RIMS2: variants seen among roughly 807,000 people sequenced by gnomAD.
RIMS2 encodes regulating synaptic membrane exocytosis protein 2.
In RIMS2, 59 loss-of-function variants were observed where a neutral mutation model predicts 174.4. The observed-to-expected ratio is 0.34, with a 90% CI of 0.27 to 0.42. The LOEUF is 0.42. Among genes scored for constraint, RIMS2 ranks in the 10% least tolerant of loss-of-function variants. RIMS2 has a pLI of 1.00. For synonymous variants in RIMS2, 606 were observed against 572.5 expected, an observed-to-expected ratio of 1.06 and a Z score of -0.84; for missense variants, 1,620 against 1,666.3, an observed-to-expected ratio of 0.97 and a Z score of 0.48.
chr8:104,143,616 C>G (rs1349098505), intron 19 of RIMS2, among the ~76,000 whole-genome samples: 1 of 152,190 alleles, frequency 6.6e-6, no homozygotes, highest in Admixed American at 6.5e-5. Context: ...GGGTTTGTTT[C>G]TAATCTACCA....
intron 2 of RIMS2, among the ~76,000 whole-genome samples, chr8:103,715,694 T>C (rs989364616): frequency 6.6e-6 from 1 of 152,110 alleles, no homozygotes; most frequent in Non-Finnish European, 1.5e-5. Flanking sequence ...TCCACACTTA[T>C]CATATTGGGA....
At chr8:104,082,652 G>C (rs2097445550) in intron 19 of RIMS2, among the ~76,000 whole-genome samples, 2 of 151,950 alleles carry the variant, frequency 1.3e-5, no homozygotes, top group African/African-American at 4.8e-5. Context: ...GAATCTCTCA[G>C]TTAAAAATAT....
At chr8:103,693,981 G>A (rs1234753017) in intron 1 of RIMS2, among the ~76,000 whole-genome samples, 1 of 152,172 alleles carries the variant, frequency 6.6e-6, no homozygotes, top group Admixed American at 6.5e-5. Context: ...CTGACCTGGT[G>A]CTTGGTTGGT....
chr8:104,050,111 TTATATGGTA>T (rs1365921699), intron 19 of RIMS2, among the ~76,000 whole-genome samples: 1 of 152,180 alleles, frequency 6.6e-6, no homozygotes, highest in African/African-American at 2.4e-5. Context: ...TTCCTGGTTA[TTATATGGTA>T]TATTAAACTG....
At chr8:104,189,335 T>TA (rs1273922050) in intron 19 of RIMS2, among the ~76,000 whole-genome samples, 5 of 151,888 alleles carry the variant, frequency 3.3e-5, no homozygotes, top group African/African-American at 1.2e-4. Context: ...AGGTCTCTGA[T>TA]AGAGAATAAA....
At chr8:104,053,802 A>G (rs1302473902) in intron 19 of RIMS2, among the ~76,000 whole-genome samples, 2 of 152,148 alleles carry the variant, frequency 1.3e-5, no homozygotes, top group Non-Finnish European at 2.9e-5. Flanking sequence ...ACCTTAGGAA[A>G]TGGTGGCCTT....
intron 3 of RIMS2, among the ~76,000 whole-genome samples, chr8:103,812,485 G>A (rs1301180093): frequency 6.6e-6 from 1 of 151,972 alleles, no homozygotes; most frequent in Non-Finnish European, 1.5e-5. Flanking sequence ...GGGTTCAAGC[G>A]ATTCTCCTGC....
intron 19 of RIMS2, among the ~76,000 whole-genome samples, chr8:104,210,117 G>T (rs980200218): frequency 6.6e-6 from 1 of 152,102 alleles, no homozygotes; most frequent in African/African-American, 2.4e-5. Context: ...CAAATTTTTT[G>T]TATACGTAGA....
chr8:103,902,169 C>A (rs1332454107), intron 4 of RIMS2, among the ~76,000 whole-genome samples: 2 of 152,152 alleles, frequency 1.3e-5, no homozygotes, highest in Non-Finnish European at 2.9e-5. Context: ...TCCCCCACAT[C>A]TCCTAAAGGC....
chr8:104,223,658 C>T (rs1259981417), intron 19 of RIMS2: 10 of 1,588,970 alleles, frequency 6.3e-6, no homozygotes, highest in Non-Finnish European at 7.7e-6. Context: ...CAAGATGGGC[C>T]GGCAGGGCTT....
chr8:103,723,065 T>C (rs1976830), intron 2 of RIMS2, among the ~76,000 whole-genome samples: 53,764 of 152,004 alleles, frequency 0.35, 10,229 homozygotes, highest in East Asian at 0.77. Context: ...TGAGCCGAGA[T>C]TGTGCCACTG....
intron 17 of RIMS2, among the ~76,000 whole-genome samples, chr8:104,010,425 G>A (rs2095719119): frequency 6.6e-6 from 1 of 151,946 alleles, no homozygotes; most frequent in South Asian, 2.1e-4. Flanking sequence ...TATTATTGTG[G>A]CCTATTGTCA....
chr8:103,819,123 A>T (rs2098735512), intron 3 of RIMS2: 2 of 714,980 alleles, frequency 2.8e-6, no homozygotes, highest in African/African-American at 3.9e-5. Context: ...GCTGGCAGCC[A>T]GATGTGCTAA....
chr8:103,736,588 A>G (rs965024022), intron 2 of RIMS2, among the ~76,000 whole-genome samples: 1 of 152,182 alleles, frequency 6.6e-6, no homozygotes, highest in African/African-American at 2.4e-5. Flanking sequence ...ATGTCCAGTT[A>G]TGAATTGGCT....
chr8:104,128,470 G>A (rs1002433677), intron 19 of RIMS2, among the ~76,000 whole-genome samples: 3 of 152,194 alleles, frequency 2.0e-5, no homozygotes, highest in Non-Finnish European at 4.4e-5. Flanking sequence ...GCCGAGGTGG[G>A]TGGATCACCT....
At chr8:103,697,041 G>A in intron 1 of RIMS2, 45 bp from the exon 4 acceptor site, 1 of 1,215,184 alleles carries the variant, frequency 8.2e-7, no homozygotes, top group Non-Finnish European at 1.2e-6. Flanking sequence ...TTCCTTTAGA[G>A]ATCATCAGGA....
chr8:104,057,422 GAAT>G (rs966873010), intron 19 of RIMS2, among the ~76,000 whole-genome samples: 3 of 151,754 alleles, frequency 2.0e-5, no homozygotes, highest in African/African-American at 4.8e-5. Context: ...TAGGTCCTCT[GAAT>G]AATAAAATTT....
intron 12 of RIMS2, among the ~76,000 whole-genome samples, chr8:103,934,802 A>G (rs1171709791): frequency 1.3e-5 from 2 of 151,900 alleles, no homozygotes; most frequent in Non-Finnish European, 2.9e-5. Flanking sequence ...GGTTCAAGCA[A>G]TTCTCCTGCC....
intron 19 of RIMS2, among the ~76,000 whole-genome samples, chr8:104,158,211 T>C (rs2098737050): frequency 6.6e-6 from 1 of 152,204 alleles, no homozygotes; most frequent in Non-Finnish European, 1.5e-5. Context: ...TCCATGTCCC[T>C]GCGAAGGACA....
Sources: allele counts gnomAD v4.1 joint callset (sites outside exome capture counted in the v4.1 genomes callset), GRCh38; gene constraint gnomAD v4.1.1; transcripts MANE v1.5; gene names NCBI Gene and HGNC (gene_info 2026-07-23, HGNC 2026-07-21).